The following CCSER2 variants were observed in gnomAD, a reference collection of about 807,000 sequenced individuals.
CCSER2 encodes serine-rich coiled-coil domain-containing protein 2.
A neutral mutation model predicts 92.3 loss-of-function variants in CCSER2; 46 were observed. The observed-to-expected ratio is 0.50, with a 90% CI of 0.39 to 0.64. CCSER2 has a LOEUF of 0.64. Ranked by LOEUF, CCSER2 falls within the 30% of genes least tolerant of loss-of-function variation. The probability of loss-of-function intolerance (pLI) is 0.00; values close to 1 mark genes in which losing one functional copy is unlikely to be tolerated. For synonymous variants in CCSER2, 433 were observed against 431.4 expected (o/e 1.00, Z -0.04); for missense variants, 1,244 against 1,238.9 (o/e 1.00, Z -0.06).
chr10:84,329,020 G>C (rs1490247896), intron 1 of CCSER2, among the ~76,000 whole-genome samples: 1 of 151,822 alleles, frequency 6.6e-6, no homozygotes, highest in Non-Finnish European at 1.5e-5. Context: ...GGAGGCCGGA[G>C]GGCGCCCTCC....
chr10:84,491,028 A>C (rs908410308), intron 9 of CCSER2, among the ~76,000 whole-genome samples: 1 of 152,214 alleles, frequency 6.6e-6, no homozygotes, highest in African/African-American at 2.4e-5. Context: ...TTGCCTGGGT[A>C]TCAGCAGCGG....
chr10:84,366,240 G>A (rs981725958), intron 1 of CCSER2, among the ~76,000 whole-genome samples: 1 of 152,006 alleles, frequency 6.6e-6, no homozygotes, highest in Admixed American at 6.5e-5. Context: ...CACTGTGCCC[G>A]GCCTCGGAAT....
At chr10:84,343,200 T>C (rs1223380689) in intron 1 of CCSER2, among the ~76,000 whole-genome samples, 2 of 152,204 alleles carry the variant, frequency 1.3e-5, no homozygotes, top group African/African-American at 4.8e-5. Context: ...CTTTTCCAGC[T>C]GTCTTTACTG....
chr10:84,352,341 C>T (rs1485406370), intron 1 of CCSER2, among the ~76,000 whole-genome samples: 1 of 151,146 alleles, frequency 6.6e-6, no homozygotes, highest in Non-Finnish European at 1.5e-5. Context: ...TGTGTCCATA[C>T]AATCCTTCTG....
rs557732896 is a variant in CCSER2, at chr10:84,350,361, A to G, written c.-39-20653A>G. Among the ~76,000 whole-genome samples the G allele has an allele frequency of 2.0e-5, 3 of 150,302 alleles. No homozygotes were observed. In the Admixed American group the frequency reaches 2.1e-4, roughly 10 times the overall value. ...TTCGTTTTCCTTTATAGCACTTATGATTTGTAATTATTTAATTGTTTTTTT... is the reference window on the plus strand; with the variant it reads ...TTCGTTTTCCTTTATAGCACTTATGGTTTGTAATTATTTAATTGTTTTTTT... On this transcript the variant is annotated intron_variant, in intron 1 of 9. Transcript: ENST00000372088.
At chr10:84,490,405 A>G (rs1178720802) in intron 9 of CCSER2, among the ~76,000 whole-genome samples, 2 of 152,148 alleles carry the variant, frequency 1.3e-5, no homozygotes, top group Non-Finnish European at 2.9e-5. Flanking sequence ...GTCTTTTCAC[A>G]TAGTCCCATA....
Position 84,425,872 on chromosome 10 carries a change from A to G in CCSER2, c.1847A>G (p.His616Arg), listed in dbSNP as rs1205089677. The G allele has an allele frequency of 6.2e-7, 1 of 1,604,164 alleles. No homozygotes were observed. Residue 616 changes from histidine (H) to arginine (R), a missense_variant, in exon 5 of 10, where the codon CAT becomes CGT. Coordinates refer to ENST00000372088, the MANE Select transcript of CCSER2 (RefSeq NM_001284240.2). ...AGCCACCCTGACCACTATCATCACC[A>G]TGGAAAAAGTGACTTGAGCAGGTAA... ...HLSHPDHYHH[H>R]GKSDLSRGSP... is the part of the protein sequence containing the mutation.
chr10:84,475,347 T>C (rs1847076344), intron 8 of CCSER2, among the ~76,000 whole-genome samples: 1 of 152,172 alleles, frequency 6.6e-6, no homozygotes, highest in South Asian at 2.1e-4. Flanking sequence ...GAAAATGATT[T>C]GGTTAGTCAT....
chr10:84,427,501 A>G (rs1843500157), intron 5 of CCSER2, among the ~76,000 whole-genome samples: 2 of 152,122 alleles, frequency 1.3e-5, no homozygotes, highest in Admixed American at 1.3e-4. Context: ...TCCTGTTTCC[A>G]TTCTAAAACT....
intron 9 of CCSER2, among the ~76,000 whole-genome samples, chr10:84,483,561 C>T (rs1270938859): frequency 6.6e-6 from 1 of 152,002 alleles, no homozygotes; most frequent in Non-Finnish European, 1.5e-5. Flanking sequence ...ACAGATTTTA[C>T]CTAGTTTCTA....
intron 8 of CCSER2, 106 bp downstream of exon 8, chr10:84,470,564 A>C (rs1314943924): frequency 7.4e-6 from 7 of 947,686 alleles, no homozygotes; most frequent in Non-Finnish European, 9.9e-6. Flanking sequence ...TTGGCTCTCA[A>C]AGTTGCACTT....
chr10:84,444,599 A>G (rs1273485553), intron 6 of CCSER2, among the ~76,000 whole-genome samples: 2 of 152,158 alleles, frequency 1.3e-5, no homozygotes, highest in Non-Finnish European at 2.9e-5. Context: ...GTGGTGTTCT[A>G]GAAGATACCT....
intron 1 of CCSER2, among the ~76,000 whole-genome samples, chr10:84,349,278 A>AG: frequency 6.6e-6 from 1 of 152,366 alleles, no homozygotes; most frequent in South Asian, 2.1e-4. Flanking sequence ...TAATTGTTCA[A>AG]GCCAGAAACC....
intron 3 of CCSER2, among the ~76,000 whole-genome samples, chr10:84,406,924 C>G (rs1000471838): frequency 1.3e-5 from 2 of 152,068 alleles, no homozygotes; most frequent in African/African-American, 2.4e-5. Flanking sequence ...TACCTGAACC[C>G]TTACTCTAAT....
chr10:84,328,975 C>T (rs567191123), intron 1 of CCSER2, among the ~76,000 whole-genome samples, 167 bp downstream of exon 1: 2 of 151,678 alleles, frequency 1.3e-5, no homozygotes, highest in Non-Finnish European at 1.5e-5. Flanking sequence ...TCTAGCCCCT[C>T]GCGAGCCGCC....
chr10:84,416,177 G>A (rs751778841), intron 3 of CCSER2, among the ~76,000 whole-genome samples: 6 of 152,308 alleles, frequency 3.9e-5, no homozygotes, highest in Admixed American at 2.6e-4. Flanking sequence ...CACTTCTCTT[G>A]GCAGAGGTTG....
intron 7 of CCSER2, among the ~76,000 whole-genome samples, chr10:84,465,752 CT>C (rs533517555): frequency 2.0e-5 from 3 of 150,386 alleles, no homozygotes; most frequent in African/African-American, 7.3e-5. Flanking sequence ...ACATTTTTTG[CT>C]TTTTTTTTCT....
chr10:84,384,339 G>A (rs1214872240), intron 3 of CCSER2, among the ~76,000 whole-genome samples: 2 of 152,038 alleles, frequency 1.3e-5, no homozygotes, highest in African/African-American at 4.8e-5. Flanking sequence ...AAAACTACTG[G>A]CCAGTATCCT....
intron 6 of CCSER2, among the ~76,000 whole-genome samples, chr10:84,456,435 GAGTT>G (rs149607267): frequency 0.011 from 1,707 of 152,220 alleles, 40 homozygotes; most frequent in African/African-American, 0.039. Context: ...GTATATTGCA[GAGTT>G]AGTGTTCTAT....
Sources: allele counts gnomAD v4.1 joint callset (sites outside exome capture counted in the v4.1 genomes callset), GRCh38; gene constraint gnomAD v4.1.1; transcripts MANE v1.5; gene names NCBI Gene and HGNC (gene_info 2026-07-23, HGNC 2026-07-21).